ATRNL1: variants seen among roughly 807,000 people sequenced by gnomAD.
ATRNL1 encodes the protein attractin like 1, also known as attractin-like protein 1.
In ATRNL1, 95 loss-of-function variants were observed where a neutral mutation model predicts 182.7. That is an observed-to-expected ratio of 0.52 (90% CI 0.44 to 0.62). ATRNL1 has a LOEUF of 0.62. Ranked by LOEUF, ATRNL1 falls within the 20% of genes least tolerant of loss-of-function variation. ATRNL1 has a pLI of 0.00. For synonymous variants in ATRNL1, 576 were observed against 568.3 expected, an observed-to-expected ratio of 1.01 and a Z score of -0.19; for missense variants, 1,471 against 1,679.5, an observed-to-expected ratio of 0.88 and a Z score of 2.17.
intron 19 of ATRNL1, among the ~76,000 whole-genome samples, chr10:115,350,361 A>G (rs1554940911): frequency 6.6e-6 from 1 of 150,636 alleles, no homozygotes; most frequent in Non-Finnish European, 1.5e-5. Context: ...AAAAAAAAAA[A>G]AAAGAATTTC....
At chr10:115,635,481 T>C (rs1417356565) in intron 26 of ATRNL1, among the ~76,000 whole-genome samples, 2 of 152,092 alleles carry the variant, frequency 1.3e-5, no homozygotes, top group Non-Finnish European at 2.9e-5. Flanking sequence ...AAAAAGACAA[T>C]ACAAGATTTG....
In ATRNL1 at chr10:115,495,057, A is replaced by G. The variant is rs148658130; in HGVS notation, c.3655-24206A>G. On this transcript the variant is annotated intron_variant, in intron 24 of 28. Coordinates refer to ENST00000355044, the MANE Select transcript of ATRNL1 (RefSeq NM_207303.4). ...CAGCAATCAATTTCTTCCTCGTTCA[A>G]TCTTGGGTCGTTGTATGTTTCAAGG... Among the ~76,000 whole-genome samples, 380 of 151,644 alleles carry G rather than the reference A, an allele frequency of 2.5e-3. 1 individual carries two copies. Among genetic ancestry groups the G allele is most frequent in the African/African-American group, 8.7e-3 (361 of 41,360 alleles).
In ATRNL1 at chr10:115,534,920, T is replaced by A. The variant is rs190893266; in HGVS notation, c.3717-14538T>A. ...GGTTGAAAATTCTTTTCTTTAAGAA[T>A]GTTGTCCTATTGGCCCCCACTCTAT... On this transcript the variant is annotated intron_variant, in intron 25 of 28. Coordinates refer to ENST00000355044, the MANE Select transcript of ATRNL1 (RefSeq NM_207303.4). Among the ~76,000 whole-genome samples the A allele has an allele frequency of 9.2e-5, 14 of 152,360 alleles. No homozygotes were observed. The East Asian group carries it at 2.3e-3, about 25-fold the overall frequency.
chr10:115,704,408 A>C (rs782442139), intron 26 of ATRNL1, among the ~76,000 whole-genome samples: 4 of 151,938 alleles, frequency 2.6e-5, no homozygotes, highest in Non-Finnish European at 4.4e-5. Flanking sequence ...TTACATCTGC[A>C]ATGGCCCTAT....
chr10:115,337,284 C>A (rs1247826160), intron 19 of ATRNL1, among the ~76,000 whole-genome samples: 2 of 152,054 alleles, frequency 1.3e-5, no homozygotes, highest in Admixed American at 1.3e-4. Flanking sequence ...ATAATCACTT[C>A]ATGGAGAATA....
At chr10:115,176,903 A>T (rs1554886809) in intron 8 of ATRNL1, among the ~76,000 whole-genome samples, 1 of 152,094 alleles carries the variant, frequency 6.6e-6, no homozygotes, top group Non-Finnish European at 1.5e-5. Context: ...CCATATTCTT[A>T]CTGGAGTCCT....
Position 115,114,490 on chromosome 10 carries a change from C to T in ATRNL1, c.294-5695C>T, listed in dbSNP as rs184063866. Among the ~76,000 whole-genome samples, 1,168 of 152,226 alleles carry T rather than the reference C, an allele frequency of 7.7e-3. 16 individuals are homozygous for T. Among genetic ancestry groups the T allele is most frequent in the African/African-American group, 0.026 (1,085 of 41,536 alleles). On this transcript the variant is annotated intron_variant, in intron 1 of 28. Coordinates refer to ENST00000355044, the MANE Select transcript of ATRNL1 (RefSeq NM_207303.4). ...GAGAAAATATTTGCAAATCATACATCAGATAAGGGACTCATACCCAAGACA... is the reference window on the plus strand; with the variant it reads ...GAGAAAATATTTGCAAATCATACATTAGATAAGGGACTCATACCCAAGACA...
At chr10:115,380,315 C>T (rs782692900) in intron 19 of ATRNL1, among the ~76,000 whole-genome samples, 54 of 152,052 alleles carry the variant, frequency 3.6e-4, no homozygotes, top group Non-Finnish European at 6.9e-4. Flanking sequence ...TACAGTATTT[C>T]ATAATACGGC....
intron 26 of ATRNL1, among the ~76,000 whole-genome samples, chr10:115,625,174 T>C (rs1296699984): frequency 3.3e-5 from 5 of 152,176 alleles, no homozygotes; most frequent in African/African-American, 7.2e-5. Flanking sequence ...CTGCCTTTAA[T>C]AAGGAAAATA....
At chr10:115,131,910 TAA>T (rs1554875279) in intron 5 of ATRNL1, among the ~76,000 whole-genome samples, 2 of 152,182 alleles carry the variant, frequency 1.3e-5, no homozygotes, top group Non-Finnish European at 1.5e-5. Context: ...AGCTTTATAT[TAA>T]GTCCTTTTTT....
At position 115,093,885 on chromosome 10, in the gene ATRNL1, C is replaced by G. The variant is rs782814350; in HGVS notation, c.135C>G (p.Cys45Trp). 1 of 1,594,106 alleles carries G rather than the reference C, an allele frequency of 6.3e-7. No homozygotes were observed. Among genetic ancestry groups the G allele is most frequent in the Non-Finnish European group, 8.5e-7 (1 of 1,172,468 alleles). Residue 45 changes from cysteine to tryptophan, a missense_variant, in exon 1 of 29, where the codon TGC becomes TGG. Transcript: ENST00000355044. This position sits in a 1 kb window ranked among gnomAD's most constrained non-coding sequence, Gnocchi z 6.1. ...WLLDGNSWLL[C>W]YGFLYLALYA... ...TGGACGGGAACAGCTGGCTGCTGTG[C>G]TATGGCTTCCTCTACCTGGCGCTCT...
At chr10:115,800,864 C>T (rs782694920) in intron 27 of ATRNL1, among the ~76,000 whole-genome samples, 6 of 152,136 alleles carry the variant, frequency 3.9e-5, no homozygotes, top group African/African-American at 1.4e-4. Context: ...TCCCAGCCTC[C>T]GGAACTACAA....
At chr10:115,531,092 G>T (rs578087205) in intron 25 of ATRNL1, among the ~76,000 whole-genome samples, 9 of 152,094 alleles carry the variant, frequency 5.9e-5, no homozygotes, top group African/African-American at 2.2e-4. Flanking sequence ...AAACATATGT[G>T]TGCATGTGTC....
At chr10:115,368,543 C>T (rs961208446) in intron 19 of ATRNL1, among the ~76,000 whole-genome samples, 24 of 152,222 alleles carry the variant, frequency 1.6e-4, no homozygotes, top group Non-Finnish European at 3.1e-4. Flanking sequence ...CATCTTGGCT[C>T]GCAGTACATT....
intron 19 of ATRNL1, among the ~76,000 whole-genome samples, chr10:115,359,247 T>A (rs1021974325): frequency 6.6e-6 from 1 of 151,658 alleles, no homozygotes; most frequent in Non-Finnish European, 1.5e-5. Flanking sequence ...TGTTTTGTAG[T>A]TTTTTACATT....
chr10:115,640,995 G>C (rs1350648450), intron 26 of ATRNL1, among the ~76,000 whole-genome samples: 1 of 152,080 alleles, frequency 6.6e-6, no homozygotes, highest in Non-Finnish European at 1.5e-5. Context: ...CATATGGCTA[G>C]CCAGTTTTCC....
rs193194556 is a variant in ATRNL1, at chr10:115,395,506, A to C, written c.3269+754A>C. On this transcript the variant is annotated intron_variant, in intron 20 of 28. Transcript: ENST00000355044. ...TCTTAATCTTATGTATCAAATCTAC[A>C]TTATCTTTACACTTTTCTTTCATAT... 3.9e-5 allele frequency among the ~76,000 whole-genome samples: 6 copies of C among 152,020 alleles called. No individual in the cohort carries two copies. In the East Asian group the frequency reaches 1.2e-3, roughly 29 times the overall value.
chr10:115,437,895 T>G (rs1846478009), intron 21 of ATRNL1, among the ~76,000 whole-genome samples: 1 of 151,982 alleles, frequency 6.6e-6, no homozygotes, highest in Non-Finnish European at 1.5e-5. Context: ...AGCAGTCCTA[T>G]GACATAGGCG....
chr10:115,421,369 G>A (rs1361806487), intron 20 of ATRNL1, among the ~76,000 whole-genome samples: 2 of 152,086 alleles, frequency 1.3e-5, no homozygotes, highest in Non-Finnish European at 2.9e-5. Flanking sequence ...ATTCATCCCA[G>A]TAATGCAAGT....
Sources: gnomAD v4.1 joint callset for allele counts (sites outside exome capture counted in the v4.1 genomes callset) on GRCh38, gnomAD v4.1.1 for gene constraint, Gnocchi (gnomAD v3.1) non-coding constraint, MANE v1.5 for transcripts, NCBI Gene and HGNC (gene_info 2026-07-23, HGNC 2026-07-21) for gene names.